NGF: variants seen among roughly 807,000 people sequenced by gnomAD.
NGF encodes the protein beta-nerve growth factor.
A neutral mutation model predicts 12.8 loss-of-function variants in NGF; 4 were observed. The ratio of observed to expected loss-of-function variants is 0.31; its 90% CI spans 0.15 to 0.72. The LOEUF is 0.72. Ranked by LOEUF, NGF falls within the 30% of genes least tolerant of loss-of-function variation. The probability of loss-of-function intolerance (pLI) is 0.69; values close to 1 mark genes in which losing one functional copy is unlikely to be tolerated. For missense variants in NGF, 283 were observed against 330.8 expected (o/e 0.86, Z 1.12); for synonymous variants, 140 against 130.0 (o/e 1.08, Z -0.52).
chr1:115,323,684 A>G (rs1654690628), intron 1 of NGF, among the ~76,000 whole-genome samples: 1 of 152,196 alleles, frequency 6.6e-6, no homozygotes, highest in Admixed American at 6.5e-5. Flanking sequence ...TTTCATAATG[A>G]CATTTTTGCT....
At position 115,293,639 on chromosome 1, in the gene NGF, A is replaced by G. The variant is rs941881559; in HGVS notation, c.-25T>C. 6.5e-6 allele frequency: 1 copy of G among 152,756 alleles called. No homozygotes were observed. The highest frequency in any genetic ancestry group is 1.5e-5 in the Non-Finnish European group (1 of 68,140). 9.5% of individuals were successfully genotyped at this position (152,756 alleles called of 1,614,324 possible). ...CTTAGGCACTTACCTCAGTGTGGCC[A>G]GGATAGAAAGCTGCTCCCTTGGTAA... On this transcript the variant is annotated 5_prime_UTR_variant, in exon 2 of 3. Transcript: ENST00000369512.
intron 1 of NGF, among the ~76,000 whole-genome samples, chr1:115,301,444 C>T (rs1654031913): frequency 6.6e-6 from 1 of 152,202 alleles, no homozygotes; most frequent in African/African-American, 2.4e-5. Context: ...GTTGGTGCTA[C>T]ATAAATATCA....
chr1:115,335,503 C>A (rs1655086371), intron 1 of NGF, among the ~76,000 whole-genome samples: 1 of 152,180 alleles, frequency 6.6e-6, no homozygotes, highest in African/African-American at 2.4e-5. Flanking sequence ...GTGAAAGAAA[C>A]ACACAGGAAC....
intron 2 of NGF, among the ~76,000 whole-genome samples, chr1:115,287,715 C>T (rs1357942796): frequency 6.6e-6 from 1 of 151,818 alleles, no homozygotes; most frequent in Admixed American, 6.6e-5. Flanking sequence ...TCCTTCTTTT[C>T]TCCCTCCCTT....
intron 1 of NGF, among the ~76,000 whole-genome samples, chr1:115,307,276 G>A (rs1395733013): frequency 1.3e-5 from 2 of 152,202 alleles, no homozygotes; most frequent in African/African-American, 4.8e-5. Context: ...AGGGGAGTAA[G>A]AGAATGAGAG....
In NGF at chr1:115,333,977, C is replaced by T. The variant is rs182714388; in HGVS notation, c.-137+4227G>A. 3.9e-5 allele frequency among the ~76,000 whole-genome samples: 6 copies of T among 152,042 alleles called. No homozygotes were observed. In the East Asian group the frequency reaches 1.2e-3, roughly 29 times the overall value. On this transcript the variant is annotated intron_variant, in intron 1 of 2. Transcript: ENST00000369512. ...ATAATACCCTCCTACCCTCTGAAGACATTATTCATTTTAACCCTAGGTACT... is the reference window on the plus strand; with the variant it reads ...ATAATACCCTCCTACCCTCTGAAGATATTATTCATTTTAACCCTAGGTACT...
At chr1:115,329,497 T>C (rs900839035) in intron 1 of NGF, among the ~76,000 whole-genome samples, 4 of 152,140 alleles carry the variant, frequency 2.6e-5, no homozygotes, top group Non-Finnish European at 4.4e-5. Flanking sequence ...GCTTTCACAC[T>C]TTTTTTGACT....
In NGF at chr1:115,286,135, G is replaced by A. The variant is rs11466112; in HGVS notation, c.661C>T (p.Arg221Trp). The A allele has an allele frequency of 5.6e-6, 9 of 1,613,314 alleles. No individual in the cohort carries two copies. The highest frequency in any genetic ancestry group is 1.3e-5 in the African/African-American group (1 of 74,854). Residue 221 changes from arginine to tryptophan, a missense_variant, in exon 3 of 3, where the codon CGG becomes TGG. Physicochemically the swap from Arg to Trp is moderately radical, Grantham distance 101 (BLOSUM62 -3). Around this residue, in one of 2 missense-constraint regions of NGF, gnomAD observed 132 missense variants for 189.2 expected, o/e 0.70. Transcript: ENST00000369512. ...LTMDGKQAAWRFIRIDTACVC... is the reference protein window; with the variant it reads ...LTMDGKQAAWWFIRIDTACVC... ...CAGGCCGTATCTATCCGGATAAACCGCCAGGCAGCCTGCTTGCCATCCATG... is the reference window on the plus strand; with the variant it reads ...CAGGCCGTATCTATCCGGATAAACCACCAGGCAGCCTGCTTGCCATCCATG...
At chr1:115,322,440 C>A (rs1332006174) in intron 1 of NGF, among the ~76,000 whole-genome samples, 1 of 152,114 alleles carries the variant, frequency 6.6e-6, no homozygotes, top group East Asian at 1.9e-4. Flanking sequence ...AGGAGTGGGC[C>A]CCAGAAATCT....
intron 1 of NGF, among the ~76,000 whole-genome samples, chr1:115,304,225 T>C (rs980540804): frequency 1.3e-5 from 2 of 151,976 alleles, no homozygotes; most frequent in African/African-American, 4.8e-5. Context: ...TGCAGTGGCA[T>C]GATCTCAGTT....
intron 1 of NGF, among the ~76,000 whole-genome samples, chr1:115,321,665 G>A (rs1478231723): frequency 1.3e-5 from 2 of 150,660 alleles, no homozygotes; most frequent in African/African-American, 2.4e-5. Flanking sequence ...ATGCAGGAGG[G>A]GAGAAGAAAC....
intron 1 of NGF, among the ~76,000 whole-genome samples, chr1:115,303,444 C>T (rs1654099483): frequency 6.6e-6 from 1 of 152,006 alleles, no homozygotes; most frequent in South Asian, 2.1e-4. Flanking sequence ...CCTCCTCCAA[C>T]ACCATCATCA....
intron 1 of NGF, among the ~76,000 whole-genome samples, chr1:115,325,657 G>T (rs1032055797): frequency 2.0e-5 from 3 of 152,124 alleles, no homozygotes; most frequent in Non-Finnish European, 2.9e-5. Context: ...GGGCACTCTG[G>T]CTGCTGTTGG....
intron 2 of NGF, among the ~76,000 whole-genome samples, chr1:115,291,095 A>T (rs1030777048): frequency 3.9e-5 from 6 of 152,190 alleles, no homozygotes; most frequent in Non-Finnish European, 8.8e-5. Flanking sequence ...CACAATGGAG[A>T]TTTGTATCAC....
rs886045114 is a variant in NGF at position 115,285,950 on chromosome 1, A to C, written c.*120T>G. 1.6e-5 allele frequency: 22 copies of C among 1,353,956 alleles called. No homozygotes were observed. Among genetic ancestry groups the C allele is most frequent in the Non-Finnish European group, 2.2e-5 (22 of 1,014,888 alleles). The allele number at this position is 1,353,956 out of a possible 1,614,324, so 83.9% of individuals were successfully genotyped here. On this transcript the variant is annotated 3_prime_UTR_variant, in exon 3 of 3. Transcript: ENST00000369512. The stretch of plus-strand genomic sequence containing the variant: ...AAAATTTAATAAATAATGATTCTTT[A>C]AAACTGTATAAACTATAAATTACCA...
intron 1 of NGF, among the ~76,000 whole-genome samples, chr1:115,319,461 CAA>C (rs1654558002): frequency 6.6e-6 from 1 of 152,152 alleles, no homozygotes. Flanking sequence ...AGTTTGGAAA[CAA>C]AGACACTGCT....
chr1:115,335,754 C>A (rs1482383380), intron 1 of NGF, among the ~76,000 whole-genome samples: 2 of 152,236 alleles, frequency 1.3e-5, no homozygotes, highest in Admixed American at 1.3e-4. Context: ...GCTTGGGGAT[C>A]TGGGCCTTGG....
chr1:115,304,561 G>A (rs1329395350), intron 1 of NGF, among the ~76,000 whole-genome samples: 1 of 151,846 alleles, frequency 6.6e-6, no homozygotes, highest in African/African-American at 2.4e-5. Context: ...ATCTATTAAA[G>A]GTAGGTGCAC....
At chr1:115,287,085 G>C (rs564713072) in intron 2 of NGF, among the ~76,000 whole-genome samples, 1 of 152,314 alleles carries the variant, frequency 6.6e-6, no homozygotes, top group Admixed American at 6.5e-5. Context: ...AGTTCGATAT[G>C]AGCTTGGAGA....
Sources: allele counts gnomAD v4.1 joint callset (sites outside exome capture counted in the v4.1 genomes callset), GRCh38; gene constraint gnomAD v4.1.1; regional missense constraint gnomAD v4.1.1; transcripts MANE v1.5; gene names NCBI Gene and HGNC (gene_info 2026-07-23, HGNC 2026-07-21).